SF3B3: variants seen among roughly 807,000 people sequenced by gnomAD.
SF3B3 encodes the protein SAP 130.
In SF3B3, 33 loss-of-function variants were observed where a neutral mutation model predicts 139.2. That is an observed-to-expected ratio of 0.24 (90% CI 0.18 to 0.32). SF3B3 has a LOEUF of 0.32. Ranked by LOEUF, SF3B3 falls within the 10% of genes least tolerant of loss-of-function variation. The pLI is 1.00. For missense variants in SF3B3, 818 were observed against 1,509.4 expected (o/e 0.54, Z 7.59); for synonymous variants, 596 against 563.6 (o/e 1.06, Z -0.81).
chr16:70,544,661 C>A, intron 10 of SF3B3, 128 bp downstream of exon 10: 1 of 627,118 alleles, frequency 1.6e-6, no homozygotes, highest in Non-Finnish European at 2.9e-6. Flanking sequence ...TTCTTTCTCC[C>A]TGACTTCCCC....
At chr16:70,553,335 A>G (rs557583747) in intron 11 of SF3B3, among the ~76,000 whole-genome samples, 8 of 151,638 alleles carry the variant, frequency 5.3e-5, no homozygotes, top group African/African-American at 1.7e-4. Context: ...AACCAAAAGT[A>G]TGCCCTTCAT....
At chr16:70,529,530 A>G (rs1597704756) in intron 3 of SF3B3, 1 of 272,892 alleles carries the variant, frequency 3.7e-6, no homozygotes. Flanking sequence ...GATGATTCAC[A>G]TTCATGTCTC....
At chr16:70,526,214 ATTTT>A (rs969831662) in intron 1 of SF3B3, among the ~76,000 whole-genome samples, 3 of 149,698 alleles carry the variant, frequency 2.0e-5, no homozygotes, top group South Asian at 2.1e-4. Flanking sequence ...TTATTTATTT[ATTTT>A]TTTTTTTGAG....
In SF3B3 at chr16:70,541,705, T is replaced by C; in HGVS notation, c.1104T>C (p.Asp368=). ...LYQIAHLGDD[D]EEPEFSSAMP... is the part of the protein sequence containing the mutation. Reference sequence around the variant, plus strand: ...AAATTGCACATCTTGGAGATGATGATGAAGAACCTGAGTTTTCATCAGCCA... The same window carrying C: ...AAATTGCACATCTTGGAGATGATGACGAAGAACCTGAGTTTTCATCAGCCA... Residue 368 remains aspartate (D), a synonymous_variant, in exon 9 of 26, where the codon GAT becomes GAC. Coordinates refer to ENST00000302516, the MANE Select transcript of SF3B3 (RefSeq NM_012426.5). The C allele has an allele frequency of 6.2e-7, 1 of 1,614,146 alleles. No individual in the cohort carries two copies. Among genetic ancestry groups the C allele is most frequent in the Non-Finnish European group, 8.5e-7 (1 of 1,180,000 alleles).
chr16:70,545,255 C>CA (rs1333276356), intron 10 of SF3B3, among the ~76,000 whole-genome samples: 1 of 152,088 alleles, frequency 6.6e-6, no homozygotes. Flanking sequence ...TTTGTAGAGA[C>CA]AGAGTCTTAT....
chr16:70,526,993 G>T (rs1427152744), intron 2 of SF3B3: 1 of 528,844 alleles, frequency 1.9e-6, no homozygotes, highest in Non-Finnish European at 3.3e-6. Flanking sequence ...TGTGCCTATT[G>T]CTGTAAGACA....
chr16:70,543,025 G>A (rs1230120726), intron 9 of SF3B3, among the ~76,000 whole-genome samples: 1 of 152,028 alleles, frequency 6.6e-6, no homozygotes, highest in Non-Finnish European at 1.5e-5. Context: ...GCCCGGCCAA[G>A]TGTGACTAAT....
Position 70,554,402 on chromosome 16 carries a change from C to G in SF3B3, c.1403-44C>G. 4 of 1,590,004 alleles carry G rather than the reference C, an allele frequency of 2.5e-6. No individual in the cohort carries two copies. The African/African-American group carries it at 5.4e-5, about 21-fold the overall frequency. On this transcript the variant is annotated intron_variant, in intron 11 of 25. Transcript: ENST00000302516. ...TAGTGTTTCATTTGGCTTTGTAATT[C>G]TAATGAGTTCTTATCTAACCAACTC...
Position 70,568,353 on chromosome 16 carries a change from G to C in SF3B3, c.3023G>C (p.Ser1008Thr). 1 of 1,613,940 alleles carries C rather than the reference G, an allele frequency of 6.2e-7. No individual in the cohort carries two copies. The highest frequency in any genetic ancestry group is 1.3e-5 in the African/African-American group (1 of 75,042). The change falls in exon 22 of 26, where the codon AGT becomes ACT. Residue 1008 changes from serine (S) to threonine (T), a missense_variant. Physicochemically the swap from Ser to Thr is moderately conservative, Grantham distance 58. Coordinates refer to ENST00000302516, the MANE Select transcript of SF3B3 (RefSeq NM_012426.5). ...GTAATTGTATCTGATGTCCAAGAAAGTTTCATCTGGGTTCGCTACAAGCGT... is the reference window on the plus strand; with the variant it reads ...GTAATTGTATCTGATGTCCAAGAAACTTTCATCTGGGTTCGCTACAAGCGT... The part of the protein sequence containing the change: ...HRVIVSDVQE[S>T]FIWVRYKRNE...
At position 70,551,701 on chromosome 16, in the gene SF3B3, C is replaced by CA. The variant is rs534518930; in HGVS notation, c.1403-2736dup. Among the ~76,000 whole-genome samples the CA allele has an allele frequency of 4.8e-4, 72 of 150,762 alleles. 1 individual carries two copies. The highest frequency in any genetic ancestry group is 1.3e-3 in the African/African-American group (55 of 41,046). ...TGGGCAACCAGAGCGAAACTCTCTC[C>CA]AAAAAAAAACTAATAAATTTTTTAT... On this transcript the variant is annotated intron_variant, in intron 11 of 25. Coordinates refer to ENST00000302516, the MANE Select transcript of SF3B3 (RefSeq NM_012426.5).
At chr16:70,563,665 G>A in intron 17 of SF3B3, 1 of 539,030 alleles carries the variant, frequency 1.9e-6, no homozygotes, top group Non-Finnish European at 3.3e-6. Flanking sequence ...TGTGAATTGT[G>A]GTAGGGTGTT....
At chr16:70,530,159 T>C (rs2050106814) in intron 3 of SF3B3, among the ~76,000 whole-genome samples, 1 of 148,492 alleles carries the variant, frequency 6.7e-6, no homozygotes. Context: ...AATAAATAAA[T>C]AAATAAATAA....
intron 4 of SF3B3, 72 bp downstream of exon 4, chr16:70,530,989 C>G (rs930343420): frequency 7.0e-7 from 1 of 1,423,074 alleles, no homozygotes; most frequent in Non-Finnish European, 9.6e-7. Context: ...GTTTTCCGGC[C>G]GGGCGTGGTG....
At chr16:70,569,165 G>A (rs1335636697) in intron 23 of SF3B3, 24 bp downstream of exon 23, 2 of 1,515,666 alleles carry the variant, frequency 1.3e-6, no homozygotes, top group South Asian at 2.3e-5. Context: ...ATGGGCCCCA[G>A]GGAGAACACT....
In SF3B3 at chr16:70,563,920, C is replaced by A; in HGVS notation, c.2333C>A (p.Ala778Asp). The change falls in exon 18 of 26, where the codon GCC becomes GAC. Residue 778 changes from alanine to aspartate, a missense_variant. By Grantham distance (126) the Ala-to-Asp change is moderately radical. Around this residue, in one of 14 missense-constraint regions of SF3B3, gnomAD observed 170 missense variants for 353.0 expected, o/e 0.48. Transcript: ENST00000302516. Reference protein sequence around the residue: ...EKLGAVFNQVAFPLQYTPRKF... With the variant: ...EKLGAVFNQVDFPLQYTPRKF... ...CTCGGTGCTGTCTTCAATCAAGTAG[C>A]CTTCCCACTGCAGTACACACCCAGG... The A allele has an allele frequency of 6.2e-7, 1 of 1,614,084 alleles. No homozygotes were observed. Among genetic ancestry groups the A allele is most frequent in the Non-Finnish European group, 8.5e-7 (1 of 1,180,020 alleles).
intron 10 of SF3B3, among the ~76,000 whole-genome samples, chr16:70,545,034 T>C (rs1166966409): frequency 6.6e-6 from 1 of 152,206 alleles, no homozygotes; most frequent in African/African-American, 2.4e-5. Flanking sequence ...TCCTTATTAC[T>C]ATATACTCCT....
intron 10 of SF3B3, among the ~76,000 whole-genome samples, chr16:70,547,686 C>T (rs889415754): frequency 2.0e-5 from 3 of 152,196 alleles, no homozygotes; most frequent in Non-Finnish European, 4.4e-5. Context: ...CTCCGCCTCC[C>T]GGGTTCAAGC....
intron 10 of SF3B3, among the ~76,000 whole-genome samples, chr16:70,546,251 G>A (rs146143910): frequency 1.4e-4 from 21 of 152,318 alleles, no homozygotes; most frequent in Non-Finnish European, 2.4e-4. Flanking sequence ...GATTACAAGC[G>A]TGAGCCACCG....
At chr16:70,551,407 G>A (rs1347539612) in intron 11 of SF3B3, among the ~76,000 whole-genome samples, 1 of 151,850 alleles carries the variant, frequency 6.6e-6, no homozygotes, top group South Asian at 2.1e-4. Flanking sequence ...GAACTCCAGC[G>A]TTTTTTTTAA....
Sources: allele counts gnomAD v4.1 joint callset (sites outside exome capture counted in the v4.1 genomes callset), GRCh38; gene constraint gnomAD v4.1.1; regional missense constraint gnomAD v4.1.1; transcripts MANE v1.5; gene names NCBI Gene and HGNC (gene_info 2026-07-23, HGNC 2026-07-21).